Variants in TDRD3 observed in about 807,000 individuals in gnomAD.
TDRD3 encodes the protein tudor domain-containing protein 3.
TDRD3 carries 45 observed loss-of-function variants against 86.7 expected under a neutral mutation model. The ratio of observed to expected loss-of-function variants is 0.52; its 90% CI spans 0.41 to 0.67. The LOEUF is 0.67. Among genes scored for constraint, TDRD3 ranks in the 30% least tolerant of loss-of-function variants. The pLI is 0.00. For synonymous variants in TDRD3, 298 were observed against 301.7 expected (o/e 0.99, Z 0.13); for missense variants, 814 against 889.0 (o/e 0.92, Z 1.07).
intron 12 of TDRD3, among the ~76,000 whole-genome samples, chr13:60,557,197 A>G (rs1958209522): frequency 8.7e-6 from 1 of 115,534 alleles, no homozygotes; most frequent in East Asian, 2.4e-4. Context: ...CAAGAGCGAA[A>G]CTCTGTCTCA....
chr13:60,567,398 A>C, intron 12 of TDRD3, 127 bp from the exon 13 acceptor site: 3 of 1,199,224 alleles, frequency 2.5e-6, no homozygotes, highest in Non-Finnish European at 3.6e-6. Context: ...CTGTTGTAAA[A>C]GTTGACATGT....
At chr13:60,558,684 T>C (rs750841684) in intron 12 of TDRD3, among the ~76,000 whole-genome samples, 7 of 152,176 alleles carry the variant, frequency 4.6e-5, no homozygotes, top group Non-Finnish European at 8.8e-5. Flanking sequence ...TTATAGCGTG[T>C]CTGTAACTTT....
intron 10 of TDRD3, 48 bp downstream of exon 10, chr13:60,510,803 T>C (rs1566258108): frequency 4.9e-6 from 1 of 204,594 alleles, no homozygotes; most frequent in Non-Finnish European, 8.3e-6. Flanking sequence ...CTTTTCTTTC[T>C]TTTTTTTTTT....
intron 2 of TDRD3, among the ~76,000 whole-genome samples, chr13:60,441,859 G>A (rs1955282864): frequency 6.6e-6 from 1 of 152,058 alleles, no homozygotes; most frequent in African/African-American, 2.4e-5. Flanking sequence ...TAATACCCAA[G>A]GCCTTTATTG....
At chr13:60,477,446 C>T (rs2137462678) in intron 5 of TDRD3, among the ~76,000 whole-genome samples, 1 of 152,152 alleles carries the variant, frequency 6.6e-6, no homozygotes, top group East Asian at 1.9e-4. Flanking sequence ...AACTCCTAGC[C>T]TCAAGCAATC....
intron 1 of TDRD3, among the ~76,000 whole-genome samples, chr13:60,399,310 T>A (rs1360305342): frequency 1.3e-5 from 2 of 152,264 alleles, no homozygotes; most frequent in Admixed American, 1.3e-4. Context: ...TTGTAGCATT[T>A]GCTACTTTAT....
rs112860176 is a variant in TDRD3, at chr13:60,499,905, G to T, written c.858+5330G>T. On this transcript the variant is annotated intron_variant, in intron 8 of 13. Transcript: ENST00000377881. ...CAAAAGGCTGCCAGTTTTGAGTGGG[G>T]TCCAGAACAGGAGAAGGCTCTGCAA... Among the ~76,000 whole-genome samples, 513 of 152,310 alleles carry T rather than the reference G, an allele frequency of 3.4e-3. 4 individuals are homozygous for T. Among genetic ancestry groups the T allele is most frequent in the African/African-American group, 0.012 (489 of 41,562 alleles).
chr13:60,504,345 T>C (rs1390950500), intron 8 of TDRD3, among the ~76,000 whole-genome samples: 2 of 152,244 alleles, frequency 1.3e-5, no homozygotes, highest in Non-Finnish European at 2.9e-5. Flanking sequence ...CAGTTTTAAT[T>C]GTGTACCAGG....
chr13:60,544,070 C>A (rs1957878877), intron 12 of TDRD3, among the ~76,000 whole-genome samples: 1 of 150,966 alleles, frequency 6.6e-6, no homozygotes. Flanking sequence ...TGTTATTCCA[C>A]AATAACCTAG....
chr13:60,513,588 T>G (rs1345700433), intron 10 of TDRD3, among the ~76,000 whole-genome samples: 3 of 152,192 alleles, frequency 2.0e-5, no homozygotes, highest in African/African-American at 7.2e-5. Context: ...AATCTCATCT[T>G]GAATTCCCAC....
intron 1 of TDRD3, among the ~76,000 whole-genome samples, chr13:60,416,644 G>A (rs1244931045): frequency 6.6e-6 from 1 of 152,186 alleles, no homozygotes; most frequent in African/African-American, 2.4e-5. Context: ...TCTTTGGGCT[G>A]TCTGCTACAG....
chr13:60,476,767 C>A (rs1027106054), intron 5 of TDRD3, among the ~76,000 whole-genome samples: 1 of 151,970 alleles, frequency 6.6e-6, no homozygotes, highest in Admixed American at 6.6e-5. Flanking sequence ...TTGTAGAGAT[C>A]TTTCGCCTCT....
chr13:60,528,885 A>G lies in TDRD3; in HGVS notation c.1660A>G (p.Ile554Val). The change falls in exon 11 of 14, where the codon ATA becomes GTA. Residue 554 changes from isoleucine to valine, a missense_variant. By Grantham distance (29) the Ile-to-Val change is conservative. Transcript: ENST00000377881. ...TTTTTATGACAGGAAATCACAAACA[A>G]TAAATAATGAAGCTTTCAGTGGTAT... Reference protein sequence around the residue: ...DYFYDRKSQTINNEAFSGIKI... With the variant: ...DYFYDRKSQTVNNEAFSGIKI... 1.2e-6 allele frequency: 2 copies of G among 1,612,404 alleles called. No homozygotes were observed. The highest frequency in any genetic ancestry group is 1.7e-6 in the Non-Finnish European group (2 of 1,179,604).
intron 7 of TDRD3, among the ~76,000 whole-genome samples, chr13:60,489,420 G>A (rs752579587): frequency 5.0e-4 from 76 of 152,068 alleles, no homozygotes; most frequent in Non-Finnish European, 8.7e-4. Flanking sequence ...TTGAATTTTG[G>A]TTGTTCTTCC....
chr13:60,474,472 C>T (rs1316479036), intron 5 of TDRD3, among the ~76,000 whole-genome samples: 2 of 152,206 alleles, frequency 1.3e-5, no homozygotes, highest in Non-Finnish European at 2.9e-5. Context: ...ACCCACAGAC[C>T]TTGTAGGGCT....
intron 12 of TDRD3, among the ~76,000 whole-genome samples, chr13:60,544,343 C>CT (rs1336938645): frequency 2.7e-5 from 4 of 150,858 alleles, no homozygotes; most frequent in Non-Finnish European, 5.9e-5. Flanking sequence ...ACTGAGGAGT[C>CT]TGAGATGGGA....
intron 1 of TDRD3, among the ~76,000 whole-genome samples, chr13:60,424,321 A>G (rs1358881246): frequency 6.6e-6 from 1 of 151,584 alleles, no homozygotes. Context: ...GCCCCCAGAC[A>G]GTGGTTTTTA....
chr13:60,565,039 A>ATTTTTT (rs1566310089), intron 12 of TDRD3, among the ~76,000 whole-genome samples: 2 of 104,286 alleles, frequency 1.9e-5, no homozygotes, highest in African/African-American at 9.3e-5. Context: ...AACTATCAGT[A>ATTTTTT]TCTTTTTTTT....
chr13:60,417,019 C>CTTTT (rs560202011), intron 1 of TDRD3, among the ~76,000 whole-genome samples: 3 of 141,970 alleles, frequency 2.1e-5, no homozygotes, highest in Admixed American at 7.1e-5. Context: ...CTCTCTCTCT[C>CTTTT]TTTTTTTTTT....
Sources: allele counts gnomAD v4.1 joint callset (sites outside exome capture counted in the v4.1 genomes callset), GRCh38; gene constraint gnomAD v4.1.1; transcripts MANE v1.5; gene names NCBI Gene and HGNC (gene_info 2026-07-23, HGNC 2026-07-21).